ATP2B1: variants seen among roughly 807,000 people sequenced by gnomAD.
ATP2B1 encodes ATPase plasma membrane Ca2+ transporting 1, also known as plasma membrane calcium-transporting ATPase 1.
In ATP2B1, 14 loss-of-function variants were observed where a neutral mutation model predicts 124.2. The ratio of observed to expected loss-of-function variants is 0.11; its 90% confidence interval spans 0.07 to 0.18. ATP2B1 has a LOEUF of 0.18. Ranked by LOEUF, ATP2B1 falls within the 10% of genes least tolerant of loss-of-function variation. The pLI, the probability that ATP2B1 is intolerant of heterozygous loss-of-function variation, is 1.00. For synonymous variants in ATP2B1, 449 were observed against 492.4 expected, an observed-to-expected ratio of 0.91 and a Z score of 1.17; for missense variants, 763 against 1,466.1, an observed-to-expected ratio of 0.52 and a Z score of 7.83.
rs143663033 is a variant in ATP2B1 at position 89,650,734 on chromosome 12, T to C, written c.208+4945A>G. 2.1e-3 allele frequency among the ~76,000 whole-genome samples: 323 copies of C among 152,282 alleles called. 1 individual carries two copies. Among genetic ancestry groups the C allele is most frequent in the African/African-American group, 7.5e-3 (312 of 41,548 alleles). ...AATGTAGAACTCTGAATAACAAACA[T>C]GATCCTAGGGCTGGAGGCCTGTATA... On this transcript the variant is annotated intron_variant, in intron 2 of 20. Coordinates refer to ENST00000428670, the MANE Select transcript of ATP2B1 (RefSeq NM_001366521.1).
intron 1 of ATP2B1, among the ~76,000 whole-genome samples, chr12:89,692,319 A>G (rs1392761868): frequency 6.6e-6 from 1 of 152,180 alleles, no homozygotes; most frequent in Non-Finnish European, 1.5e-5. Flanking sequence ...CAGATCCTTG[A>G]ATAATATTTC....
chr12:89,621,157 C>T (rs1030619984), intron 10 of ATP2B1, among the ~76,000 whole-genome samples: 1 of 152,136 alleles, frequency 6.6e-6, no homozygotes, highest in Non-Finnish European at 1.5e-5. Context: ...ACATGGCAAC[C>T]ATATATAAAA....
At chr12:89,632,679 G>C (rs751051724) in intron 5 of ATP2B1, among the ~76,000 whole-genome samples, 1 of 152,178 alleles carries the variant, frequency 6.6e-6, no homozygotes, top group Non-Finnish European at 1.5e-5. Flanking sequence ...ACAGCAGTCA[G>C]AGATGGCATC....
rs1354187868 is a variant in ATP2B1, at chr12:89,629,885, C to CTGAGATGTCTCTTGTGTATAA, written c.928+599_928+619dup. 1.4e-3 allele frequency among the ~76,000 whole-genome samples: 212 copies of CTGAGATGTCTCTTGTGTATAA among 152,242 alleles called. 1 individual carries two copies. The highest frequency in any genetic ancestry group is 4.8e-3 in the African/African-American group (199 of 41,554). On this transcript the variant is annotated intron_variant, in intron 6 of 20. Transcript: ENST00000428670. ...GTGGCATGCCCCTAACTAGGAGATT[C>CTGAGATGTCTCTTGTGTATAA]TGAGATGTCTCTTGTGTATAACAGT...
chr12:89,591,417 A>G, intron 20 of ATP2B1, 122 bp from the exon 21 acceptor site: 1 of 831,166 alleles, frequency 1.2e-6, no homozygotes, highest in Non-Finnish European at 1.8e-6. Context: ...CATGTAATGC[A>G]GTGGAACTTG....
chr12:89,651,641 C>A (rs1233125523), intron 2 of ATP2B1, among the ~76,000 whole-genome samples: 1 of 152,046 alleles, frequency 6.6e-6, no homozygotes, highest in East Asian at 1.9e-4. Context: ...CCATGTAATT[C>A]CAAAAATTTT....
chr12:89,693,828 C>T (rs976738846), intron 1 of ATP2B1, among the ~76,000 whole-genome samples: 8 of 152,146 alleles, frequency 5.3e-5, no homozygotes, highest in Non-Finnish European at 8.8e-5. Context: ...GAACTTCTGG[C>T]GGCTTAGAGG....
In ATP2B1 at chr12:89,619,403, G is replaced by A. The variant is rs183277505; in HGVS notation, c.1829+596C>T. On this transcript the variant is annotated intron_variant, in intron 11 of 20. Transcript: ENST00000428670. ...GACACAGGCAGATTACTTGAGGTCA[G>A]GAGTTCAAGACCAGCCTGGCCAACA... is the stretch of plus-strand genomic sequence containing the variant. Among the ~76,000 whole-genome samples, 106 of 152,204 alleles carry A rather than the reference G, an allele frequency of 7.0e-4. 1 individual carries two copies. The highest frequency in any genetic ancestry group is 6.6e-3 in the Admixed American group (101 of 15,278).
chr12:89,619,540 G>A (rs1592758373), intron 11 of ATP2B1, among the ~76,000 whole-genome samples: 2 of 151,542 alleles, frequency 1.3e-5, no homozygotes, highest in Non-Finnish European at 2.9e-5. Context: ...TGAACCCAGG[G>A]GCGGAGGGTG....
At chr12:89,695,268 A>G (rs896913959) in intron 1 of ATP2B1, among the ~76,000 whole-genome samples, 7 of 152,128 alleles carry the variant, frequency 4.6e-5, no homozygotes, top group Admixed American at 3.3e-4. Flanking sequence ...GGAAGCATAC[A>G]GCACCTGATG....
At chr12:89,595,992 TGTGCATCA>T (rs1874520518) in intron 20 of ATP2B1, among the ~76,000 whole-genome samples, 2 of 152,046 alleles carry the variant, frequency 1.3e-5, no homozygotes, top group African/African-American at 4.8e-5. Context: ...CATATGTAAC[TGTGCATCA>T]GAAAAAAGAG....
chr12:89,681,381 A>ATTTTTTTT lies in ATP2B1; in HGVS notation c.-221-25275_-221-25274insAAAAAAAA. ...AATGTTGCAAAGAAAAATCCCTATAAATTTTTTTTTTTTTTTTGAGACACA... is the reference window on the plus strand; with the variant it reads ...AATGTTGCAAAGAAAAATCCCTATAATTTTTTTTATTTTTTTTTTTTTTTTGAGACACA... On this transcript the variant is annotated intron_variant, in intron 1 of 20. Transcript: ENST00000428670. 1.4e-5 allele frequency among the ~76,000 whole-genome samples: 2 copies of ATTTTTTTT among 142,036 alleles called. 1 individual carries two copies. The allele number at this position is 142,036 out of a possible 152,430, so 93.2% of individuals were successfully genotyped here. A position where few individuals can be genotyped will look rare whatever the true frequency, so the allele number is the denominator to read the frequency against.
chr12:89,630,977 G>T (rs984567082), intron 5 of ATP2B1, among the ~76,000 whole-genome samples: 1 of 151,732 alleles, frequency 6.6e-6, no homozygotes, highest in South Asian at 2.1e-4. Context: ...TCACTATATT[G>T]CTCAGGCTGG....
Position 89,677,991 on chromosome 12 carries a change from C to T in ATP2B1, c.-221-21884G>A, listed in dbSNP as rs902469046. Among the ~76,000 whole-genome samples the T allele has an allele frequency of 8.3e-4, 82 of 99,200 alleles. 2 individuals carry two copies. The highest frequency in any genetic ancestry group is 2.1e-3 in the African/African-American group (58 of 27,344). 65.1% of individuals were successfully genotyped at this position (99,200 alleles called of 152,430 possible). A position where few individuals can be genotyped will look rare whatever the true frequency, so the allele number is the denominator to read the frequency against. On this transcript the variant is annotated intron_variant, in intron 1 of 20. Coordinates refer to ENST00000428670, the MANE Select transcript of ATP2B1 (RefSeq NM_001366521.1). ...ATATATACACACACACACACACACA[C>T]ACACACACACACACACACACACACA... is the stretch of plus-strand genomic sequence containing the variant.
In ATP2B1 at chr12:89,590,857, G is replaced by T; in HGVS notation, c.*127C>A. 3.2e-6 allele frequency: 3 copies of T among 932,506 alleles called. No individual in the cohort carries two copies. Among genetic ancestry groups the T allele is most frequent in the Non-Finnish European group, 4.8e-6 (3 of 628,860 alleles). The allele number at this position is 932,506 out of a possible 1,614,324, so 57.8% of individuals were successfully genotyped here. A position where few individuals can be genotyped will look rare whatever the true frequency, so the allele number is the denominator to read the frequency against. On this transcript the variant is annotated 3_prime_UTR_variant, in exon 21 of 21. Coordinates refer to ENST00000428670, the MANE Select transcript of ATP2B1 (RefSeq NM_001366521.1). ...TTTTTAAAAAAATAAATCTACATTC[G>T]TACAAGTGTGTCTTCTGTTGAAGTC...
chr12:89,698,490 G>C (rs542243902), intron 1 of ATP2B1, among the ~76,000 whole-genome samples: 1 of 152,110 alleles, frequency 6.6e-6, no homozygotes, highest in Non-Finnish European at 1.5e-5. Context: ...AGCTGGGGTA[G>C]GGGAAGGGAA....
At chr12:89,615,344 CT>C (rs1284591441) in intron 12 of ATP2B1, among the ~76,000 whole-genome samples, 6 of 152,064 alleles carry the variant, frequency 3.9e-5, no homozygotes, top group African/African-American at 9.7e-5. Flanking sequence ...ATCATCCCCC[CT>C]GATATGCCAC....
chr12:89,665,032 T>A (rs1319205052), intron 1 of ATP2B1, among the ~76,000 whole-genome samples: 2 of 152,124 alleles, frequency 1.3e-5, no homozygotes, highest in African/African-American at 4.8e-5. Context: ...GGTTTCACCA[T>A]GTTGGTCAGG....
intron 15 of ATP2B1, among the ~76,000 whole-genome samples, chr12:89,607,722 C>CGAGA (rs756990022): frequency 7.2e-5 from 11 of 152,124 alleles, no homozygotes; most frequent in Non-Finnish European, 1.5e-4. Context: ...AGGATTCTCT[C>CGAGA]CTTCGACCAA....
Sources: gnomAD v4.1 joint callset for allele counts (sites outside exome capture counted in the v4.1 genomes callset) on GRCh38, gnomAD v4.1.1 for gene constraint, MANE v1.5 for transcripts, NCBI Gene and HGNC (gene_info 2026-07-23, HGNC 2026-07-21) for gene names.